Variants in KIF21A observed in about 807,000 individuals in gnomAD.
The protein encoded by KIF21A is kinesin-like protein KIF21A.
KIF21A carries 114 observed loss-of-function variants against 202.9 expected under a neutral mutation model. The observed-to-expected ratio is 0.56, with a 90% confidence interval of 0.48 to 0.66. The LOEUF (loss-of-function observed/expected upper bound fraction) is 0.66, where lower values mean the gene tolerates loss of function less well. KIF21A is among the 30% of genes least tolerant of loss of function. KIF21A has a pLI of 0.00. For synonymous variants in KIF21A, 667 were observed against 670.8 expected (o/e 0.99, Z 0.09); for missense variants, 1,677 against 1,994.9 (o/e 0.84, Z 3.04).
At chr12:39,435,435 C>T (rs1260364025) in intron 1 of KIF21A, among the ~76,000 whole-genome samples, 1 of 152,164 alleles carries the variant, frequency 6.6e-6, no homozygotes, top group African/African-American at 2.4e-5. Flanking sequence ...AATTTTTCTG[C>T]ATGACATCAG....
At position 39,442,923 on chromosome 12, in the gene KIF21A, T is replaced by A; in HGVS notation, c.44+4A>T. On this transcript the variant is annotated splice_donor_region_variant and intron_variant, in intron 1 of 37. Coordinates refer to ENST00000361418, the MANE Select transcript of KIF21A (RefSeq NM_001173464.2). The surrounding 1 kb of genome is among the most constrained non-coding windows in gnomAD (Gnocchi z 5.0). The stretch of plus-strand genomic sequence containing the variant: ...GCCGCCCGCCGCCGGCAGACTGTCC[T>A]CACCTGACAGCCACCCGCACGGAGC... 1 of 1,524,988 alleles carries A rather than the reference T, an allele frequency of 6.6e-7. No homozygotes were observed. Among genetic ancestry groups the A allele is most frequent in the Admixed American group, 2.0e-5 (1 of 50,518 alleles). 94.5% of individuals were successfully genotyped at this position (1,524,988 alleles called of 1,614,324 possible). A position where few individuals can be genotyped will look rare whatever the true frequency, so the allele number is the denominator to read the frequency against.
intron 26 of KIF21A, among the ~76,000 whole-genome samples, chr12:39,325,137 CA>C (rs1945722065): frequency 6.6e-6 from 1 of 152,126 alleles, no homozygotes; most frequent in African/African-American, 2.4e-5. Context: ...CACAGTTAAA[CA>C]AATAAGAAAC....
At chr12:39,340,687 A>T (rs1307506539) in intron 15 of KIF21A, among the ~76,000 whole-genome samples, 1 of 152,160 alleles carries the variant, frequency 6.6e-6, no homozygotes, top group Non-Finnish European at 1.5e-5. Context: ...AATATTTAAC[A>T]TTATGAGACA....
At chr12:39,425,904 T>G (rs931856645) in intron 1 of KIF21A, among the ~76,000 whole-genome samples, 1 of 115,350 alleles carries the variant, frequency 8.7e-6, no homozygotes, top group African/African-American at 3.4e-5. Flanking sequence ...CTCTGAAAGA[T>G]ACATCTAACA....
At chr12:39,393,373 T>A (rs959724055) in intron 1 of KIF21A, among the ~76,000 whole-genome samples, 1 of 152,048 alleles carries the variant, frequency 6.6e-6, no homozygotes, top group African/African-American at 2.4e-5. Context: ...TGCTAACCAA[T>A]AGAAGGCAAG....
At chr12:39,432,968 G>A (rs751107230) in intron 1 of KIF21A, among the ~76,000 whole-genome samples, 7 of 151,810 alleles carry the variant, frequency 4.6e-5, no homozygotes, top group Non-Finnish European at 8.8e-5. Context: ...GCTACTAAAG[G>A]GTATCAACAC....
intron 26 of KIF21A, 97 bp downstream of exon 26, chr12:39,325,742 C>T: frequency 3.5e-6 from 3 of 852,248 alleles, no homozygotes; most frequent in Non-Finnish European, 6.0e-6. Context: ...TGCCCTCTTG[C>T]TAATCTATTA....
chr12:39,420,212 C>A (rs894363544), intron 1 of KIF21A, among the ~76,000 whole-genome samples: 1 of 151,898 alleles, frequency 6.6e-6, no homozygotes, highest in Admixed American at 6.6e-5. Flanking sequence ...CGAGAATATG[C>A]CATTTCACTG....
intron 10 of KIF21A, among the ~76,000 whole-genome samples, chr12:39,354,252 A>C (rs891244251): frequency 6.6e-6 from 1 of 152,220 alleles, no homozygotes; most frequent in Non-Finnish European, 1.5e-5. Flanking sequence ...TACTATATGA[A>C]GCCATGCAAA....
chr12:39,335,410 C>CAAA (rs1033088626), intron 17 of KIF21A, among the ~76,000 whole-genome samples: 12 of 61,874 alleles, frequency 1.9e-4, no homozygotes, highest in African/African-American at 5.0e-4. Flanking sequence ...GACTCTGTCT[C>CAAA]AAAAAAAAAA....
In KIF21A at chr12:39,331,694, T is replaced by C. The variant is rs142268373; in HGVS notation, c.3149A>G (p.Asn1050Ser). The change falls in exon 22 of 38, where the codon AAT becomes AGT. Residue 1050 changes from asparagine to serine, a missense_variant. Coordinates refer to ENST00000361418, the MANE Select transcript of KIF21A (RefSeq NM_001173464.2). ...AACAGTGTGGTTGTATCTTACCTTA[T>C]TGATGCCCATTGACAGGAAGTGATC... ...LLDHFLSMGI[N>S]KGLQAAQKEA... is the part of the protein sequence containing the mutation. 4,003 of 1,605,450 alleles carry C rather than the reference T, an allele frequency of 2.5e-3. 9 individuals are homozygous for C. Among genetic ancestry groups the C allele is most frequent in the Non-Finnish European group, 2.8e-3 (3,338 of 1,172,132 alleles).
intron 22 of KIF21A, among the ~76,000 whole-genome samples, chr12:39,331,391 T>C (rs1014097313): frequency 2.6e-5 from 4 of 152,294 alleles, no homozygotes; most frequent in Non-Finnish European, 5.9e-5. Context: ...GATACCAAAT[T>C]TGTTTGCATG....
At chr12:39,329,220 G>T (rs542190173) in intron 24 of KIF21A, among the ~76,000 whole-genome samples, 1 of 152,160 alleles carries the variant, frequency 6.6e-6, no homozygotes, top group Non-Finnish European at 1.5e-5. Context: ...TTTCTGCCAT[G>T]AGTCATAGGA....
At chr12:39,335,875 G>C (rs577802097) in intron 17 of KIF21A, among the ~76,000 whole-genome samples, 1 of 152,204 alleles carries the variant, frequency 6.6e-6, no homozygotes, top group African/African-American at 2.4e-5. Context: ...CAAAATAGGG[G>C]AGTCATCTGG....
intron 6 of KIF21A, among the ~76,000 whole-genome samples, chr12:39,363,957 G>T (rs898757089): frequency 6.6e-6 from 1 of 152,222 alleles, no homozygotes; most frequent in Non-Finnish European, 1.5e-5. Flanking sequence ...GGTGGAGGTT[G>T]CAGTGAGCTG....
intron 1 of KIF21A, among the ~76,000 whole-genome samples, chr12:39,441,198 C>T (rs1254012547): frequency 6.6e-6 from 1 of 152,066 alleles, no homozygotes; most frequent in Non-Finnish European, 1.5e-5. Context: ...TCCTAACATA[C>T]ACACCAAAAC....
intron 34 of KIF21A, among the ~76,000 whole-genome samples, chr12:39,306,294 T>G (rs1009888350): frequency 1.1e-4 from 17 of 152,204 alleles, no homozygotes; most frequent in Non-Finnish European, 2.2e-4. Context: ...TTTCAAAAGC[T>G]GGTATCTTTT....
rs138537124 is a variant in KIF21A, at chr12:39,344,022, C to T, written c.1713-1898G>A. 1.3e-3 allele frequency among the ~76,000 whole-genome samples: 197 copies of T among 152,044 alleles called. 2 individuals carry two copies. The highest frequency in any genetic ancestry group is 0.012 in the Admixed American group (190 of 15,260). ...AGAGAAGAAAGTACAAGTAGGAGTA[C>T]CAATACAACAGTCTTAACTGGAAAT... On this transcript the variant is annotated intron_variant, in intron 12 of 37. Transcript: ENST00000361418.
chr12:39,346,786 G>T (rs2138549926), intron 11 of KIF21A, among the ~76,000 whole-genome samples: 1 of 152,006 alleles, frequency 6.6e-6, no homozygotes, highest in Middle Eastern at 3.4e-3. Flanking sequence ...ATTTATAAAA[G>T]TTGATAAGGA....
Sources: gnomAD v4.1 joint callset for allele counts (sites outside exome capture counted in the v4.1 genomes callset) on GRCh38, gnomAD v4.1.1 for gene constraint, Gnocchi (gnomAD v3.1) non-coding constraint, MANE v1.5 for transcripts, NCBI Gene and HGNC (gene_info 2026-07-23, HGNC 2026-07-21) for gene names.